RIPOR2: variants seen among roughly 807,000 people sequenced by gnomAD.
RIPOR2 encodes RHO family interacting cell polarization regulator 2, also known as rho family-interacting cell polarization regulator 2.
Under a neutral mutation model 114.5 loss-of-function variants are expected in RIPOR2, and 39 were observed. The observed-to-expected ratio is 0.34, with a 90% CI of 0.26 to 0.44. RIPOR2 has a LOEUF of 0.44. RIPOR2 is among the 20% of genes least tolerant of loss of function. The pLI is 1.00. For missense variants in RIPOR2, 1,007 were observed against 1,255.1 expected, an observed-to-expected ratio of 0.80 and a Z score of 2.99; for synonymous variants, 445 against 484.4, an observed-to-expected ratio of 0.92 and a Z score of 1.07.
At position 25,008,959 on chromosome 6, in the gene RIPOR2, G is replaced by A. The variant is rs147235059; in HGVS notation, c.76+32892C>T. On this transcript the variant is annotated intron_variant, in intron 1 of 13. Coordinates refer to the RIPOR2 transcript ENST00000510784. Reference sequence around the variant, plus strand: ...GCAGGGAGAGGTCAATAGCTTGCTTGAGCTCATGTAGCTTGTTAGGGATGA... The same window carrying A: ...GCAGGGAGAGGTCAATAGCTTGCTTAAGCTCATGTAGCTTGTTAGGGATGA... 4.1e-4 allele frequency among the ~76,000 whole-genome samples: 62 copies of A among 152,368 alleles called. 1 individual carries two copies. The highest frequency in any genetic ancestry group is 1.7e-3 in the South Asian group (8 of 4,834).
At chr6:24,957,692 T>G (rs1488368236) in intron 1 of RIPOR2, among the ~76,000 whole-genome samples, 2 of 152,054 alleles carry the variant, frequency 1.3e-5, no homozygotes, top group African/African-American at 2.4e-5. Flanking sequence ...GCTAACATGA[T>G]GAAACCCCGT....
chr6:24,905,361 A>G (rs755755593), intron 1 of RIPOR2, among the ~76,000 whole-genome samples: 4 of 152,082 alleles, frequency 2.6e-5, no homozygotes, highest in Non-Finnish European at 4.4e-5. Context: ...TCTAAGCTCC[A>G]CTTATTTCTG....
intron 1 of RIPOR2, among the ~76,000 whole-genome samples, chr6:24,909,254 G>A (rs1252848518): frequency 2.0e-5 from 3 of 152,144 alleles, no homozygotes; most frequent in African/African-American, 4.8e-5. Context: ...GTTACCCTAA[G>A]TTGGTACATC....
chr6:24,836,847 GTC>G (rs1294092730), intron 14 of RIPOR2, among the ~76,000 whole-genome samples: 1 of 150,864 alleles, frequency 6.6e-6, no homozygotes, highest in African/African-American at 2.4e-5. Context: ...CTCTCTCTCT[GTC>G]TCTCTCTCTT....
At chr6:24,823,346 A>G (rs1442878415) in intron 19 of RIPOR2, among the ~76,000 whole-genome samples, 1 of 152,196 alleles carries the variant, frequency 6.6e-6, no homozygotes, top group Non-Finnish European at 1.5e-5. Flanking sequence ...AACTAGTCTT[A>G]GTCAAGTTTA....
chr6:24,855,372 A>T (rs111752809), intron 8 of RIPOR2, among the ~76,000 whole-genome samples: 65 of 95,136 alleles, frequency 6.8e-4, no homozygotes, highest in African/African-American at 2.3e-3. Flanking sequence ...ATATGACTTT[A>T]TTTTTTTTTT....
At chr6:25,023,042 ACCCACCACAGCTGCCC>A (rs913503080) in intron 1 of RIPOR2, among the ~76,000 whole-genome samples, 4 of 151,616 alleles carry the variant, frequency 2.6e-5, no homozygotes, top group Non-Finnish European at 4.4e-5. Flanking sequence ...TTTAATAGCT[ACCCACCACAGCTGCCC>A]CCCACCCTTC....
At chr6:24,958,607 A>G (rs1050289729) in intron 1 of RIPOR2, among the ~76,000 whole-genome samples, 4 of 152,268 alleles carry the variant, frequency 2.6e-5, no homozygotes, top group African/African-American at 7.2e-5. Flanking sequence ...TCAACACCCA[A>G]TGATGTGTTA....
At chr6:24,946,231 T>C (rs1772399091) in intron 1 of RIPOR2, among the ~76,000 whole-genome samples, 1 of 151,900 alleles carries the variant, frequency 6.6e-6, no homozygotes, top group Admixed American at 6.6e-5. Context: ...TACACCACCA[T>C]GCCCAGCTAA....
chr6:24,987,188 G>T (rs1239107275), intron 1 of RIPOR2, among the ~76,000 whole-genome samples: 1 of 152,186 alleles, frequency 6.6e-6, no homozygotes, highest in Non-Finnish European at 1.5e-5. Flanking sequence ...AAGAATCATG[G>T]CTGGCTGGCA....
chr6:24,862,795 A>ACCC (rs60735104), intron 7 of RIPOR2, among the ~76,000 whole-genome samples: 1 of 144,560 alleles, frequency 6.9e-6, no homozygotes, highest in African/African-American at 2.5e-5. Context: ...TCCTCCCCCG[A>ACCC]CCACTGGCAC....
chr6:25,001,184 C>T (rs1775298792), intron 1 of RIPOR2, among the ~76,000 whole-genome samples: 1 of 152,078 alleles, frequency 6.6e-6, no homozygotes, highest in Non-Finnish European at 1.5e-5. Flanking sequence ...GTATGTATAC[C>T]ATACATAGGT....
At chr6:24,852,858 G>A (rs530023772) in intron 8 of RIPOR2, among the ~76,000 whole-genome samples, 1 of 152,320 alleles carries the variant, frequency 6.6e-6, no homozygotes, top group Admixed American at 6.5e-5. Context: ...GGGAGGCTGG[G>A]CAAGGAGGGG....
intron 1 of RIPOR2, chr6:24,976,272 T>C (rs1774037014): frequency 1.6e-6 from 1 of 623,050 alleles, no homozygotes; most frequent in African/African-American, 1.9e-5. Flanking sequence ...GTTACATATA[T>C]TAGAACGTAT....
At chr6:24,873,071 T>C (rs1055284626) in intron 3 of RIPOR2, 112 bp from the exon 4 acceptor site, 2 of 712,144 alleles carry the variant, frequency 2.8e-6, no homozygotes, top group Admixed American at 2.4e-5. Flanking sequence ...CCTTGCTCTG[T>C]AGTTGGGCAG....
chr6:24,927,860 T>C (rs151063359), intron 1 of RIPOR2, among the ~76,000 whole-genome samples: 350 of 152,336 alleles, frequency 2.3e-3, no homozygotes, highest in African/African-American at 8.0e-3. Context: ...TATATGTTAC[T>C]TCCCCTCAGT....
rs529126799 is a variant in RIPOR2 at position 24,845,291 on chromosome 6, G to C, written c.1165-1737C>G. ...TTTCAGTTTCTTCCCTCCCGTATTT[G>C]CACCCCCCACCTCATATACACCTTA... On this transcript the variant is annotated intron_variant, in intron 12 of 21. Coordinates refer to ENST00000643898, the MANE Select transcript of RIPOR2 (RefSeq NM_001286445.3). 1.7e-3 allele frequency among the ~76,000 whole-genome samples: 253 copies of C among 152,096 alleles called. 2 individuals carry two copies. The highest frequency in any genetic ancestry group is 5.9e-3 in the African/African-American group (244 of 41,484).
At chr6:24,914,293 G>A (rs1467019861) in intron 1 of RIPOR2, among the ~76,000 whole-genome samples, 5 of 152,220 alleles carry the variant, frequency 3.3e-5, no homozygotes, top group South Asian at 2.1e-4. Flanking sequence ...CCGAGATTAC[G>A]TCACTGCGCC....
chr6:24,977,353 G>T (rs1201096511), intron 1 of RIPOR2, among the ~76,000 whole-genome samples: 1 of 151,830 alleles, frequency 6.6e-6, no homozygotes, highest in Non-Finnish European at 1.5e-5. Context: ...GTCCTAAAAG[G>T]TCGACAGGAC....
Sources: allele counts gnomAD v4.1 joint callset (sites outside exome capture counted in the v4.1 genomes callset), GRCh38; gene constraint gnomAD v4.1.1; transcripts MANE v1.5; gene names NCBI Gene and HGNC (gene_info 2026-07-23, HGNC 2026-07-21).